The following CTNNBL1 variants were observed in gnomAD, a reference collection of about 807,000 sequenced individuals.
CTNNBL1 encodes the protein beta-catenin-like protein 1.
Under a neutral mutation model 72.7 loss-of-function variants are expected in CTNNBL1, and 31 were observed. The observed-to-expected ratio is 0.43, with a 90% CI of 0.32 to 0.58. CTNNBL1 has a LOEUF of 0.58. Ranked by LOEUF, CTNNBL1 falls within the 20% of genes least tolerant of loss-of-function variation. The probability of loss-of-function intolerance (pLI) is 0.08; values close to 1 mark genes in which losing one functional copy is unlikely to be tolerated. For synonymous variants in CTNNBL1, 240 were observed against 267.3 expected, an observed-to-expected ratio of 0.90 and a Z score of 1.00; for missense variants, 534 against 725.1, an observed-to-expected ratio of 0.74 and a Z score of 3.03.
At position 37,746,460 on chromosome 20, in the gene CTNNBL1, C is replaced by T. The variant is rs372811544; in HGVS notation, c.327-8C>T. On this transcript the variant is annotated splice_region_variant and splice_polypyrimidine_tract_variant and intron_variant, in intron 3 of 15. Transcript: ENST00000361383. ...TTCCTTCTAATGATGTCTTGTTTTCCCTCCTAGGTTCATGGAATCCGAGCT... is the reference window on the plus strand; with the variant it reads ...TTCCTTCTAATGATGTCTTGTTTTCTCTCCTAGGTTCATGGAATCCGAGCT... 548 of 1,608,652 alleles carry T rather than the reference C, an allele frequency of 3.4e-4. No homozygotes were observed. The highest frequency in any genetic ancestry group is 4.1e-4 in the Non-Finnish European group (480 of 1,176,260).
At chr20:37,709,060 C>A (rs557948647) in intron 1 of CTNNBL1, among the ~76,000 whole-genome samples, 1 of 152,054 alleles carries the variant, frequency 6.6e-6, no homozygotes, top group Non-Finnish European at 1.5e-5. Flanking sequence ...TTGCTTGAAC[C>A]TGGGAGGTGG....
rs758391064 is a variant in CTNNBL1 at position 37,840,155 on chromosome 20, C to G, written c.1267C>G (p.Arg423Gly). 1 of 1,613,670 alleles carries G rather than the reference C, an allele frequency of 6.2e-7. No individual in the cohort carries two copies. The highest frequency in any genetic ancestry group is 1.3e-5 in the African/African-American group (1 of 74,880). Reference protein sequence around the residue: ...SLLRNLRGQQRTRLLNKFTEN... With the variant: ...SLLRNLRGQQGTRLLNKFTEN... ...CCTGCGGAACCTGAGAGGGCAGCAG[C>G]GGACCCGGCTTCTGAATAAATTCAC... Residue 423 changes from arginine to glycine, a missense_variant, in exon 12 of 16, where the codon CGG becomes GGG. Arg to Gly is a moderately radical substitution (Grantham distance 125). Coordinates refer to ENST00000361383, the MANE Select transcript of CTNNBL1 (RefSeq NM_030877.5).
At chr20:37,799,951 G>A (rs1403566310) in intron 10 of CTNNBL1, among the ~76,000 whole-genome samples, 1 of 152,088 alleles carries the variant, frequency 6.6e-6, no homozygotes, top group Admixed American at 6.5e-5. Context: ...TAGCTCCAAG[G>A]GGCACTATCA....
At chr20:37,768,391 TGA>T (rs888667678) in intron 7 of CTNNBL1, among the ~76,000 whole-genome samples, 9 of 152,344 alleles carry the variant, frequency 5.9e-5, no homozygotes, top group African/African-American at 1.9e-4. Flanking sequence ...TCTGTGTATA[TGA>T]GAGAGTGTGT....
At chr20:37,826,292 C>T (rs944828891) in intron 11 of CTNNBL1, among the ~76,000 whole-genome samples, 33 of 152,140 alleles carry the variant, frequency 2.2e-4, no homozygotes, top group African/African-American at 6.8e-4. Flanking sequence ...ATCCATAATG[C>T]GCTGGAATAT....
intron 15 of CTNNBL1, among the ~76,000 whole-genome samples, chr20:37,865,502 C>T (rs1322171103): frequency 1.3e-5 from 2 of 152,064 alleles, no homozygotes; most frequent in Admixed American, 6.6e-5. Flanking sequence ...TGGAATTGCC[C>T]GTTCCTCCCT....
chr20:37,834,203 A>C (rs375442940), intron 11 of CTNNBL1, among the ~76,000 whole-genome samples: 39 of 148,390 alleles, frequency 2.6e-4, no homozygotes, highest in African/African-American at 9.5e-4. Context: ...AGCTTCTGAT[A>C]CCCTCTCTGT....
chr20:37,863,717 C>G (rs1175974481), intron 15 of CTNNBL1, among the ~76,000 whole-genome samples: 1 of 152,102 alleles, frequency 6.6e-6, no homozygotes, highest in Non-Finnish European at 1.5e-5. Context: ...CAAGGGGTGA[C>G]TGCATCCCTT....
chr20:37,802,282 A>G (rs567917589), intron 10 of CTNNBL1, among the ~76,000 whole-genome samples: 3 of 152,388 alleles, frequency 2.0e-5, no homozygotes, highest in East Asian at 1.9e-4. Flanking sequence ...ATCTACTTAC[A>G]TGAAATGTCT....
chr20:37,840,190 CAGTG>C lies in CTNNBL1; in HGVS notation c.1305_1308del (p.Ser435ArgfsTer6). 1 of 1,611,418 alleles carries C rather than the reference CAGTG, an allele frequency of 6.2e-7. No homozygotes were observed. Among genetic ancestry groups the C allele is most frequent in the Non-Finnish European group, 8.5e-7 (1 of 1,177,924 alleles). On this transcript the variant is annotated frameshift_variant, in exon 12 of 16. Coordinates refer to ENST00000361383, the MANE Select transcript of CTNNBL1 (RefSeq NM_030877.5). LOFTEE classifies it high-confidence loss of function. ...TTCTGAATAAATTCACTGAAAATGA[CAGTG>C]AGAAGGTGGGTGACTGTTGGACTGT... is the stretch of plus-strand genomic sequence containing the variant.
intron 13 of CTNNBL1, among the ~76,000 whole-genome samples, chr20:37,857,399 A>G (rs1004398424): frequency 1.3e-5 from 2 of 152,196 alleles, no homozygotes; most frequent in Non-Finnish European, 2.9e-5. Flanking sequence ...GCTGCATTTC[A>G]CACATCCAAC....
At chr20:37,861,385 G>A (rs555587141) in intron 15 of CTNNBL1, among the ~76,000 whole-genome samples, 202 of 152,338 alleles carry the variant, frequency 1.3e-3, no homozygotes, top group African/African-American at 4.8e-3. Flanking sequence ...CAGCCACCTA[G>A]GCACTAACTG....
At chr20:37,835,488 A>C (rs748779373) in intron 11 of CTNNBL1, among the ~76,000 whole-genome samples, 2 of 152,240 alleles carry the variant, frequency 1.3e-5, no homozygotes, top group Non-Finnish European at 2.9e-5. Context: ...GTTGGATAAT[A>C]TGCAATCTGA....
intron 2 of CTNNBL1, among the ~76,000 whole-genome samples, chr20:37,736,045 T>C (rs909885205): frequency 6.6e-6 from 1 of 152,232 alleles, no homozygotes; most frequent in Non-Finnish European, 1.5e-5. Flanking sequence ...TTTTCAAATA[T>C]TCATTTTATT....
chr20:37,808,968 C>T (rs1459473269), intron 11 of CTNNBL1, among the ~76,000 whole-genome samples: 1 of 147,788 alleles, frequency 6.8e-6, no homozygotes, highest in Non-Finnish European at 1.5e-5. Context: ...ATCATCAGCC[C>T]TATGAATTCA....
chr20:37,763,280 G>A (rs1463388592), intron 5 of CTNNBL1, among the ~76,000 whole-genome samples: 2 of 152,148 alleles, frequency 1.3e-5, no homozygotes, highest in East Asian at 1.9e-4. Context: ...ACACTGTAGT[G>A]GATTTCTTTA....
chr20:37,718,072 T>G (rs1287820602), intron 1 of CTNNBL1, among the ~76,000 whole-genome samples: 1 of 152,188 alleles, frequency 6.6e-6, no homozygotes, highest in Admixed American at 6.5e-5. Flanking sequence ...CCCCTTTCTA[T>G]TCCACAAAAC....
intron 3 of CTNNBL1, among the ~76,000 whole-genome samples, chr20:37,745,097 A>G (rs2073251262): frequency 6.6e-6 from 1 of 152,236 alleles, no homozygotes; most frequent in Admixed American, 6.5e-5. Context: ...CAAAAAGTAT[A>G]CTGTAATTGG....
intron 1 of CTNNBL1, among the ~76,000 whole-genome samples, chr20:37,711,359 C>A (rs1275188164): frequency 6.6e-6 from 1 of 151,562 alleles, no homozygotes; most frequent in Admixed American, 6.6e-5. Context: ...GATTTTGGGG[C>A]GGTTAGCAAA....
Sources: gnomAD v4.1 joint callset for allele counts (sites outside exome capture counted in the v4.1 genomes callset) on GRCh38, gnomAD v4.1.1 for gene constraint, MANE v1.5 for transcripts, NCBI Gene and HGNC (gene_info 2026-07-23, HGNC 2026-07-21) for gene names.